SHISA9: variants seen among roughly 807,000 people sequenced by gnomAD.
The protein encoded by SHISA9 is shisa family member 9, also known as protein shisa-9.
Under a neutral mutation model 38.0 loss-of-function variants are expected in SHISA9, and 13 were observed. The ratio of observed to expected loss-of-function variants is 0.34; its 90% CI spans 0.22 to 0.54. The LOEUF is 0.54. Among genes scored for constraint, SHISA9 ranks in the 20% least tolerant of loss-of-function variants. The probability of loss-of-function intolerance (pLI) is 0.91; values close to 1 mark genes in which losing one functional copy is unlikely to be tolerated. For missense variants in SHISA9, 538 were observed against 575.8 expected, an observed-to-expected ratio of 0.93 and a Z score of 0.67; for synonymous variants, 275 against 242.0, an observed-to-expected ratio of 1.14 and a Z score of -1.27.
the SHISA9 span, among the ~76,000 whole-genome samples, chr16:13,292,302 A>C: frequency 1.3e-5 from 2 of 151,948 alleles, no homozygotes; most frequent in African/African-American, 4.8e-5. Flanking sequence ...GTGTTTTTAA[A>C]ATTATGCAGT....
chr16:13,227,447 C>A (rs1021971699), intron 4 of SHISA9, among the ~76,000 whole-genome samples: 3 of 152,170 alleles, frequency 2.0e-5, no homozygotes, highest in African/African-American at 7.2e-5. Context: ...TCCCAAATTT[C>A]TGGCATAAGT....
chr16:13,314,790 G>A, the SHISA9 span, among the ~76,000 whole-genome samples: 1 of 152,058 alleles, frequency 6.6e-6, no homozygotes, highest in Non-Finnish European at 1.5e-5. Flanking sequence ...ATTTATAGAA[G>A]CAGAGAATAG....
the SHISA9 span, among the ~76,000 whole-genome samples, chr16:13,549,910 C>T: frequency 1.3e-5 from 2 of 151,806 alleles, no homozygotes; most frequent in African/African-American, 4.8e-5. Context: ...GTAATCCCAG[C>T]TACTTGGGAG....
intron 3 of SHISA9, among the ~76,000 whole-genome samples, chr16:13,205,573 A>C (rs901160909): frequency 6.6e-6 from 1 of 152,174 alleles, no homozygotes; most frequent in Non-Finnish European, 1.5e-5. Context: ...TCAGTCTTCT[A>C]ATCTGTAAAA....
intron 1 of SHISA9, among the ~76,000 whole-genome samples, chr16:12,913,194 T>G (rs2071209184): frequency 6.6e-6 from 1 of 152,156 alleles, no homozygotes; most frequent in Non-Finnish European, 1.5e-5. Context: ...CATTACTTCT[T>G]TTTTTTGGCG....
intron 2 of SHISA9, among the ~76,000 whole-genome samples, chr16:13,187,659 A>G (rs1443525377): frequency 1.3e-5 from 2 of 152,144 alleles, no homozygotes; most frequent in African/African-American, 4.8e-5. Flanking sequence ...TTGAAGGTCT[A>G]GAAAAGAGTA....
At chr16:13,465,229 C>G in the SHISA9 span, among the ~76,000 whole-genome samples, 1 of 152,216 alleles carries the variant, frequency 6.6e-6, no homozygotes, top group Non-Finnish European at 1.5e-5. Flanking sequence ...TGCCCAAACT[C>G]TGGCAACCAA....
At chr16:12,920,171 G>A (rs936595173) in intron 2 of SHISA9, among the ~76,000 whole-genome samples, 11 of 150,330 alleles carry the variant, frequency 7.3e-5, no homozygotes, top group Middle Eastern at 3.4e-3. Context: ...GTTTCAAGTC[G>A]TGGGTACGGG....
intron 4 of SHISA9, among the ~76,000 whole-genome samples, chr16:13,215,182 C>A (rs1302829151): frequency 1.3e-5 from 2 of 152,094 alleles, no homozygotes; most frequent in Non-Finnish European, 2.9e-5. Flanking sequence ...ATGGTTCTCA[C>A]GTTGTAACCA....
chr16:12,988,742 C>A (rs2141830161), intron 2 of SHISA9, among the ~76,000 whole-genome samples: 1 of 152,212 alleles, frequency 6.6e-6, no homozygotes, highest in African/African-American at 2.4e-5. Flanking sequence ...CCAGGCTGAT[C>A]TCGAACCCCT....
the SHISA9 span, chr16:13,331,382 T>C: frequency 6.7e-6 from 1 of 150,162 alleles, no homozygotes. Context: ...ATATGATTTT[T>C]AAAACATTTT....
the SHISA9 span, among the ~76,000 whole-genome samples, chr16:13,397,508 T>C: frequency 0.24 from 36,538 of 152,072 alleles, 5,370 homozygotes; most frequent in African/African-American, 0.41. Flanking sequence ...AATCTTGGCT[T>C]ACTGCAATCT....
intron 2 of SHISA9, among the ~76,000 whole-genome samples, chr16:13,106,713 T>G (rs1308908090): frequency 1.3e-5 from 2 of 152,142 alleles, no homozygotes; most frequent in African/African-American, 4.8e-5. Context: ...AGCCAATCTG[T>G]GCCTTCTCTG....
At chr16:13,452,496 A>G in the SHISA9 span, among the ~76,000 whole-genome samples, 1 of 152,188 alleles carries the variant, frequency 6.6e-6, no homozygotes, top group African/African-American at 2.4e-5. Context: ...TGAGAGAAAC[A>G]ACAGAGCTAA....
At chr16:13,073,242 A>G (rs1467907514) in intron 2 of SHISA9, among the ~76,000 whole-genome samples, 1 of 105,146 alleles carries the variant, frequency 9.5e-6, no homozygotes, top group Non-Finnish European at 1.9e-5. Context: ...TTTTTTTTGT[A>G]CAACAGGACT....
the SHISA9 span, among the ~76,000 whole-genome samples, chr16:13,507,138 G>C: frequency 6.6e-6 from 1 of 151,934 alleles, no homozygotes; most frequent in African/African-American, 2.4e-5. Flanking sequence ...TCAGGCAAGA[G>C]TAACTTTGGC....
In SHISA9 at chr16:13,123,676, T is replaced by C. The variant is rs150151942; in HGVS notation, c.692-79718T>C. ...GGCTTCATTTGAGATAGTGAACTTA[T>C]AATTCTTGAACTACCTCTATGGGAA... On this transcript the variant is annotated intron_variant, in intron 2 of 4. Coordinates refer to ENST00000558583, the MANE Select transcript of SHISA9 (RefSeq NM_001145204.3). Among the ~76,000 whole-genome samples the C allele has an allele frequency of 2.2e-3, 333 of 152,312 alleles. 1 individual carries two copies. The highest frequency in any genetic ancestry group is 7.8e-3 in the African/African-American group (324 of 41,564).
At chr16:13,322,341 G>T in the SHISA9 span, among the ~76,000 whole-genome samples, 1 of 152,184 alleles carries the variant, frequency 6.6e-6, no homozygotes, top group South Asian at 2.1e-4. Context: ...AGCCAGGAGG[G>T]CCCTGAGTAG....
the SHISA9 span, among the ~76,000 whole-genome samples, chr16:13,452,223 G>A: frequency 2.0e-5 from 3 of 152,224 alleles, no homozygotes; most frequent in South Asian, 4.2e-4. Context: ...GGGTGCACAG[G>A]GGTAATAAAG....
Sources: gnomAD v4.1 joint callset for allele counts (sites outside exome capture counted in the v4.1 genomes callset) on GRCh38, gnomAD v4.1.1 for gene constraint, MANE v1.5 for transcripts, NCBI Gene and HGNC (gene_info 2026-07-23, HGNC 2026-07-21) for gene names.